CDH20: variants seen among roughly 807,000 people sequenced by gnomAD.
CDH20 encodes cadherin-20.
Under a neutral mutation model 74.2 loss-of-function variants are expected in CDH20, and 29 were observed. That is an observed-to-expected ratio of 0.39 (90% CI 0.29 to 0.53). CDH20 has a LOEUF of 0.53. Ranked by LOEUF, CDH20 falls within the 20% of genes least tolerant of loss-of-function variation. CDH20 has a pLI of 0.69. For synonymous variants in CDH20, 469 were observed against 405.4 expected, an observed-to-expected ratio of 1.16 and a Z score of -1.88; for missense variants, 988 against 1,048.3, an observed-to-expected ratio of 0.94 and a Z score of 0.79.
At chr18:61,347,309 TATATATATATAC>T (rs1172306064) in intron 1 of CDH20, among the ~76,000 whole-genome samples, 7,672 of 89,366 alleles carry the variant, frequency 0.086, 299 homozygotes, top group Middle Eastern at 0.12. Flanking sequence ...TATATATATA[TATATATATATAC>T]ACACACACAC....
chr18:61,468,326 TTTC>T (rs1259933864), intron 1 of CDH20, among the ~76,000 whole-genome samples: 1 of 152,186 alleles, frequency 6.6e-6, no homozygotes, highest in Non-Finnish European at 1.5e-5. Flanking sequence ...AACAAGTATT[TTTC>T]TTTATGGCCC....
chr18:61,512,450 T>A (rs1911818263), intron 6 of CDH20, among the ~76,000 whole-genome samples: 2 of 152,220 alleles, frequency 1.3e-5, no homozygotes, highest in South Asian at 4.1e-4. Flanking sequence ...AATCTCATCA[T>A]TGTCTTATGG....
At chr18:61,436,686 A>C (rs1360769608) in intron 1 of CDH20, among the ~76,000 whole-genome samples, 1 of 152,158 alleles carries the variant, frequency 6.6e-6, no homozygotes, top group Non-Finnish European at 1.5e-5. Flanking sequence ...GCACTGTGGC[A>C]TTAGGTAGAA....
chr18:61,510,880 C>T (rs1911754396), intron 6 of CDH20, among the ~76,000 whole-genome samples: 1 of 151,810 alleles, frequency 6.6e-6, no homozygotes, highest in East Asian at 1.9e-4. Flanking sequence ...TGGCATGCCT[C>T]AAGTAAACAA....
intron 1 of CDH20, among the ~76,000 whole-genome samples, chr18:61,356,802 A>G (rs1370955700): frequency 6.6e-6 from 1 of 152,234 alleles, no homozygotes; most frequent in Non-Finnish European, 1.5e-5. Flanking sequence ...AATGATGAGG[A>G]TAATCTAGAT....
At chr18:61,389,848 C>T (rs1911715791) in intron 1 of CDH20, among the ~76,000 whole-genome samples, 1 of 152,202 alleles carries the variant, frequency 6.6e-6, no homozygotes, top group Non-Finnish European at 1.5e-5. Context: ...AGTCCACCTA[C>T]TTTCACCTTG....
At chr18:61,350,310 G>A (rs1388706413) in intron 1 of CDH20, among the ~76,000 whole-genome samples, 1 of 152,054 alleles carries the variant, frequency 6.6e-6, no homozygotes, top group Non-Finnish European at 1.5e-5. Context: ...AATTATTGCT[G>A]ATCTCCAAGC....
intron 5 of CDH20, 100 bp from the exon 6 acceptor site, chr18:61,507,272 GA>G (rs1236360428): frequency 1.6e-5 from 19 of 1,174,424 alleles, no homozygotes; most frequent in Non-Finnish European, 2.3e-5. Context: ...TTTGAACCCA[GA>G]AAAAAAGATA....
intron 1 of CDH20, among the ~76,000 whole-genome samples, chr18:61,457,577 T>C (rs1196065759): frequency 6.6e-6 from 1 of 152,174 alleles, no homozygotes; most frequent in Non-Finnish European, 1.5e-5. Context: ...GCCAGGTCTG[T>C]TTCCTCATTT....
At chr18:61,401,473 A>G (rs544439687) in intron 1 of CDH20, among the ~76,000 whole-genome samples, 2 of 152,230 alleles carry the variant, frequency 1.3e-5, no homozygotes, top group South Asian at 4.2e-4. Flanking sequence ...ATATTTATGT[A>G]TAGGATAACA....
chr18:61,503,181 G>A, intron 5 of CDH20, 61 bp downstream of exon 5: 2 of 1,314,692 alleles, frequency 1.5e-6, no homozygotes, highest in Non-Finnish European at 2.0e-6. Context: ...CCGTTGCAGA[G>A]GTGCGGGAGA....
intron 1 of CDH20, among the ~76,000 whole-genome samples, chr18:61,411,042 T>G (rs1016158302): frequency 2.1e-5 from 3 of 143,082 alleles, no homozygotes; most frequent in Non-Finnish European, 4.7e-5. Context: ...CTACTAAAAA[T>G]ACAAAAAATT....
At chr18:61,341,529 A>C (rs1909950871) in intron 1 of CDH20, among the ~76,000 whole-genome samples, 1 of 152,138 alleles carries the variant, frequency 6.6e-6, no homozygotes, top group Admixed American at 6.5e-5. Context: ...TCATTTTCTA[A>C]TGCAAGAAAC....
rs760028482 is a variant in CDH20, at chr18:61,554,566, G to A, written c.2277G>A (p.Ser759=). ...AGGGGGACGGCTCTGTGGCGGGGTC[G>A]CTGAGCTCCCTGCAGTCGGCCACGT... The part of the protein sequence containing the change: ...MFEGDGSVAG[S]LSSLQSATSD... Residue 759 remains serine, a synonymous_variant, in exon 12 of 12, where the codon TCG becomes TCA. Coordinates refer to ENST00000262717, the MANE Select transcript of CDH20 (RefSeq NM_031891.4). 1 of 1,609,468 alleles carries A rather than the reference G, an allele frequency of 6.2e-7. No individual in the cohort carries two copies. The highest frequency in any genetic ancestry group is 1.1e-5 in the South Asian group (1 of 90,470).
intron 3 of CDH20, 45 bp downstream of exon 3, chr18:61,499,525 T>C: frequency 7.5e-7 from 1 of 1,334,224 alleles, no homozygotes; most frequent in Non-Finnish European, 1.0e-6. Flanking sequence ...ACCTCCTATA[T>C]ATATACACAC....
At chr18:61,390,793 G>T (rs1262268915) in intron 1 of CDH20, among the ~76,000 whole-genome samples, 1 of 152,006 alleles carries the variant, frequency 6.6e-6, no homozygotes, top group Non-Finnish European at 1.5e-5. Flanking sequence ...CAAGACAATT[G>T]CCTAGGTGCT....
chr18:61,356,885 A>G (rs966500723), intron 1 of CDH20, among the ~76,000 whole-genome samples: 8 of 152,228 alleles, frequency 5.3e-5, no homozygotes, highest in African/African-American at 1.7e-4. Context: ...GCAAGCTAAA[A>G]GGAGATACCC....
intron 6 of CDH20, among the ~76,000 whole-genome samples, chr18:61,512,229 G>C (rs763943182): frequency 2.0e-5 from 3 of 152,154 alleles, no homozygotes; most frequent in African/African-American, 7.2e-5. Flanking sequence ...TCGATTTTCA[G>C]TCTCTTAAAT....
chr18:61,555,380 A>C lies in CDH20; in HGVS notation c.*685A>C, dbSNP rs1367092677. The C allele has an allele frequency of 9.1e-6, 9 of 985,376 alleles. No individual in the cohort carries two copies. The highest frequency in any genetic ancestry group is 9.6e-6 in the Non-Finnish European group (8 of 829,988). The allele number at this position is 985,376 out of a possible 1,614,324, so 61.0% of individuals were successfully genotyped here. A position where few individuals can be genotyped will look rare whatever the true frequency, so the allele number is the denominator to read the frequency against. Reference sequence around the variant, plus strand: ...GCATTACAGCTCATCCAACGCCATCAAGTTAGAGTGCTCGTGTCTCCTCTC... The same window carrying C: ...GCATTACAGCTCATCCAACGCCATCCAGTTAGAGTGCTCGTGTCTCCTCTC... On this transcript the variant is annotated 3_prime_UTR_variant, in exon 12 of 12. Coordinates refer to ENST00000262717, the MANE Select transcript of CDH20 (RefSeq NM_031891.4).
Sources: allele counts gnomAD v4.1 joint callset (sites outside exome capture counted in the v4.1 genomes callset), GRCh38; gene constraint gnomAD v4.1.1; transcripts MANE v1.5; gene names NCBI Gene and HGNC (gene_info 2026-07-23, HGNC 2026-07-21).